The following HOXC6 variants were observed in gnomAD, a reference collection of about 807,000 sequenced individuals.
The protein encoded by HOXC6 is homeobox protein Hox-C6.
A neutral mutation model predicts 24.0 loss-of-function variants in HOXC6; 10 were observed. The observed-to-expected ratio is 0.42, with a 90% confidence interval of 0.26 to 0.71. HOXC6 has a LOEUF of 0.71. Among genes scored for constraint, HOXC6 ranks in the 30% least tolerant of loss-of-function variants. The pLI is 0.28. For missense variants in HOXC6, 258 were observed against 303.4 expected (o/e 0.85, Z 1.11); for synonymous variants, 123 against 128.1 (o/e 0.96, Z 0.27).
chr12:54,019,312 C>A (rs1257813368), intron 1 of HOXC6, among the ~76,000 whole-genome samples: 1 of 152,106 alleles, frequency 6.6e-6, no homozygotes, highest in Non-Finnish European at 1.5e-5. Flanking sequence ...GCTCAGGCTG[C>A]CGCGCGCTCT....
intron 1 of HOXC6, among the ~76,000 whole-genome samples, chr12:54,017,858 C>T (rs1311717777): frequency 6.6e-6 from 1 of 151,926 alleles, no homozygotes; most frequent in Non-Finnish European, 1.5e-5. Context: ...GCAAAGTTAG[C>T]CCCCCAACCC....
intron 1 of HOXC6, among the ~76,000 whole-genome samples, chr12:54,019,735 C>CTAT (rs1045403978): frequency 3.3e-5 from 5 of 152,154 alleles, no homozygotes; most frequent in Admixed American, 3.3e-4. Flanking sequence ...AACGACCTCA[C>CTAT]TGAGTGTACC....
chr12:54,028,306 C>A, upstream of HOXC6: 1 of 467,602 alleles, frequency 2.1e-6, no homozygotes, highest in South Asian at 4.3e-5. Flanking sequence ...TCAAAGCACA[C>A]ACTTAGTCTC....
chr12:54,021,347 A>C (rs1218705974), intron 1 of HOXC6: 1 of 152,334 alleles, frequency 6.6e-6, no homozygotes, highest in Non-Finnish European at 1.5e-5. Context: ...AGACCTGGTC[A>C]GGGAGACGGC....
chr12:54,020,552 C>T (rs1425914690), intron 1 of HOXC6: 3 of 152,206 alleles, frequency 2.0e-5, no homozygotes, highest in Non-Finnish European at 4.4e-5. Context: ...TTATTATATA[C>T]AGGCTTAAAT....
At chr12:54,025,280 G>C (rs529363335), upstream of HOXC6, among the ~76,000 whole-genome samples, 77 of 152,118 alleles carry the variant, frequency 5.1e-4, 1 homozygote, top group Admixed American at 5.9e-4. Flanking sequence ...AATTTAACAG[G>C]AAAATATAAA....
At chr12:54,029,038 G>C in intron 1 of HOXC6, 117 bp downstream of exon 1, 2 of 1,002,336 alleles carry the variant, frequency 2.0e-6, no homozygotes, top group Non-Finnish European at 2.9e-6. Flanking sequence ...AATCACGCTC[G>C]TCTCCTCACC....
In HOXC6 at chr12:54,029,739, T is replaced by A. The variant is rs372813456; in HGVS notation, c.485T>A (p.Phe162Tyr). ...QTLELEKEFH[F>Y]NRYLTRRRRI... Reference sequence around the variant, plus strand: ...CTGGAACTGGAGAAGGAATTTCACTTCAATCGCTACCTAACGCGGCGCCGG... The same window carrying A: ...CTGGAACTGGAGAAGGAATTTCACTACAATCGCTACCTAACGCGGCGCCGG... Residue 162 changes from phenylalanine (F) to tyrosine (Y), a missense_variant, in exon 2 of 2, where the codon TTC (phenylalanine) becomes TAC (tyrosine). By Grantham distance (22) the Phe-to-Tyr change is conservative. Transcript: ENST00000243108. The A allele has an allele frequency of 1.2e-5, 20 of 1,614,024 alleles. No homozygotes were observed. In the Admixed American group the frequency reaches 3.3e-4, roughly 27 times the overall value.
intron 1 of HOXC6, among the ~76,000 whole-genome samples, chr12:54,019,293 C>T (rs372879730): frequency 2.7e-4 from 41 of 151,922 alleles, no homozygotes; most frequent in African/African-American, 9.4e-4. Flanking sequence ...TGGGCCCAGC[C>T]CGCCGCCTGC....
upstream of HOXC6, chr12:54,028,288 T>G: frequency 2.9e-6 from 1 of 347,386 alleles, no homozygotes; most frequent in Non-Finnish European, 5.2e-6. Context: ...GAAATCCAAG[T>G]CTTACTTTCA....
intron 1 of HOXC6, among the ~76,000 whole-genome samples, chr12:54,017,845 T>TAAGCAAAGTTAGCCCCCC (rs1940225930): frequency 6.6e-6 from 1 of 151,894 alleles, no homozygotes; most frequent in Non-Finnish European, 1.5e-5. Flanking sequence ...CATTGCCCCC[T>TAAGCAAAGTTAGCCCCCC]AAGCAAAGTT....
upstream of HOXC6, among the ~76,000 whole-genome samples, chr12:54,024,629 G>T (rs559588330): frequency 6.6e-6 from 1 of 152,164 alleles, no homozygotes; most frequent in Non-Finnish European, 1.5e-5. Flanking sequence ...GCAAGGTGAG[G>T]CCTGCCCACG....
chr12:54,021,909 C>T (rs960552914), intron 1 of HOXC6: 2 of 152,460 alleles, frequency 1.3e-5, no homozygotes, highest in Admixed American at 6.5e-5. Context: ...ACTCCCTCCC[C>T]TTTCCAGCAA....
At chr12:54,023,748 CTT>C (rs1940554050), upstream of HOXC6, among the ~76,000 whole-genome samples, 3 of 152,198 alleles carry the variant, frequency 2.0e-5, no homozygotes, top group Admixed American at 2.0e-4. Flanking sequence ...CATGCCTAAA[CTT>C]TGAAAGGAGG....
At chr12:54,029,038 G>T (rs1447844511) in intron 1 of HOXC6, 117 bp downstream of exon 1, 4 of 1,002,220 alleles carry the variant, frequency 4.0e-6, no homozygotes, top group African/African-American at 3.3e-5. Flanking sequence ...AATCACGCTC[G>T]TCTCCTCACC....
Position 54,017,710 on chromosome 12 carries a change from C to G in HOXC6, c.-193+296C>G, listed in dbSNP as rs567218746. 4.3e-4 allele frequency among the ~76,000 whole-genome samples: 66 copies of G among 152,250 alleles called. 1 individual carries two copies. Among genetic ancestry groups the G allele is most frequent in the African/African-American group, 1.5e-3 (61 of 41,536 alleles). ...AAGCCGGCGGTCTAGGGCGCCAGCTCTCTGCTGCCCACTGTGTCAGTACCT... is the reference window on the plus strand; with the variant it reads ...AAGCCGGCGGTCTAGGGCGCCAGCTGTCTGCTGCCCACTGTGTCAGTACCT... On this transcript the variant is annotated intron_variant, in intron 1 of 2. Coordinates refer to the HOXC6 transcript ENST00000394331.
chr12:54,023,781 G>A (rs56394649), upstream of HOXC6, among the ~76,000 whole-genome samples: 2,340 of 152,170 alleles, frequency 0.015, 36 homozygotes, highest in South Asian at 0.055. Context: ...TTTGGAATGC[G>A]GTGTGTGTAG....
rs1940926416 is a variant in HOXC6 at position 54,030,119 on chromosome 12, T to C, written c.*157T>C. On this transcript the variant is annotated 3_prime_UTR_variant, in exon 2 of 2. Coordinates refer to ENST00000243108, the MANE Select transcript of HOXC6 (RefSeq NM_004503.4). ...CAAACGTGGACCTGAAAGTCAGCTC[T>C]GGACCCCCTCCCTCACCGCACAACT... 4.4e-6 allele frequency: 3 copies of C among 688,742 alleles called. No homozygotes were observed. The South Asian group carries it at 6.6e-5, about 15-fold the overall frequency. 42.7% of individuals were successfully genotyped at this position (688,742 alleles called of 1,614,324 possible).
upstream of HOXC6, among the ~76,000 whole-genome samples, chr12:54,024,902 T>C (rs1426133291): frequency 6.6e-6 from 1 of 152,260 alleles, no homozygotes; most frequent in African/African-American, 2.4e-5. Flanking sequence ...GTGTTTTGCA[T>C]TGGAGAGGAC....
Sources: allele counts gnomAD v4.1 joint callset (sites outside exome capture counted in the v4.1 genomes callset), GRCh38; gene constraint gnomAD v4.1.1; transcripts MANE v1.5; gene names NCBI Gene and HGNC (gene_info 2026-07-23, HGNC 2026-07-21).